Variants in CHD9 observed in about 807,000 individuals in gnomAD.
The protein encoded by CHD9 is chromodomain helicase DNA binding protein 9.
Under a neutral mutation model 316.1 loss-of-function variants are expected in CHD9, and 77 were observed. The ratio of observed to expected loss-of-function variants is 0.24; its 90% confidence interval spans 0.20 to 0.29. CHD9 has a LOEUF of 0.29. CHD9 is among the 10% of genes least tolerant of loss of function. CHD9 has a pLI of 1.00. For missense variants in CHD9, 2,763 were observed against 3,438.1 expected (o/e 0.80, Z 4.91); for synonymous variants, 1,129 against 1,158.3 (o/e 0.97, Z 0.51).
At chr16:53,075,882 A>G (rs978399964) in intron 1 of CHD9, among the ~76,000 whole-genome samples, 7 of 152,116 alleles carry the variant, frequency 4.6e-5, no homozygotes, top group Non-Finnish European at 7.4e-5. Context: ...TCCCACCAGC[A>G]GTGCACAAGG....
intron 34 of CHD9, chr16:53,311,006 G>A: frequency 6.6e-6 from 1 of 151,956 alleles, no homozygotes; most frequent in Non-Finnish European, 1.5e-5. Flanking sequence ...TGGCAACATA[G>A]CAAGACCCAT....
chr16:53,116,850 T>TA (rs974968319), intron 1 of CHD9, among the ~76,000 whole-genome samples: 1 of 152,102 alleles, frequency 6.6e-6, no homozygotes, highest in Admixed American at 6.6e-5. Flanking sequence ...ATAGACTGGA[T>TA]AAAAAAGTGT....
At chr16:53,267,176 AGTT>A (rs2051779969) in intron 20 of CHD9, 115 bp from the exon 21 acceptor site, 3 of 587,210 alleles carry the variant, frequency 5.1e-6, no homozygotes, top group Non-Finnish European at 8.3e-6. Flanking sequence ...TGAAATTGTT[AGTT>A]GTTTCTTTTT....
At chr16:53,303,157 C>T (rs1235579523) in intron 30 of CHD9, among the ~76,000 whole-genome samples, 2 of 150,434 alleles carry the variant, frequency 1.3e-5, no homozygotes, top group Non-Finnish European at 3.0e-5. Context: ...ATCACAAATT[C>T]GTAAACTTTC....
rs534938805 is a variant in CHD9, at chr16:53,258,286, A to C, written c.4209+2507A>C. Among the ~76,000 whole-genome samples, 72 of 152,262 alleles carry C rather than the reference A, an allele frequency of 4.7e-4. 2 individuals are homozygous for C. In the South Asian group the frequency reaches 0.013, roughly 28 times the overall value. On this transcript the variant is annotated intron_variant, in intron 19 of 38. Transcript: ENST00000447540. Reference sequence around the variant, plus strand: ...ATCTAACTTTTATTTTCCTTAGAGAACTCAAGTATACTCTAATGCTCTGAG... The same window carrying C: ...ATCTAACTTTTATTTTCCTTAGAGACCTCAAGTATACTCTAATGCTCTGAG...
intron 11 of CHD9, 124 bp downstream of exon 11, chr16:53,235,430 G>C: frequency 1.5e-6 from 1 of 671,494 alleles, no homozygotes; most frequent in Non-Finnish European, 2.3e-6. Context: ...TTAAAGTGAG[G>C]TTACCTCAGG....
chr16:53,094,915 A>G (rs1267373374), intron 1 of CHD9, among the ~76,000 whole-genome samples: 1 of 152,220 alleles, frequency 6.6e-6, no homozygotes, highest in Non-Finnish European at 1.5e-5. Context: ...CTGGGATTAC[A>G]GGCGTGAGCC....
intron 30 of CHD9, among the ~76,000 whole-genome samples, chr16:53,303,281 C>T (rs2153079846): frequency 6.6e-6 from 1 of 151,792 alleles, no homozygotes; most frequent in African/African-American, 2.4e-5. Flanking sequence ...ACAATGCAGC[C>T]CAGGGAAGCC....
chr16:53,312,952 T>C (rs559986832), intron 34 of CHD9, among the ~76,000 whole-genome samples: 2 of 152,320 alleles, frequency 1.3e-5, no homozygotes, highest in South Asian at 4.1e-4. Flanking sequence ...CCTTTAATAA[T>C]ACATCCTTTT....
intron 1 of CHD9, among the ~76,000 whole-genome samples, chr16:53,091,905 C>T (rs2035974872): frequency 6.6e-6 from 1 of 152,124 alleles, no homozygotes; most frequent in Non-Finnish European, 1.5e-5. Context: ...AGAGCTTCCT[C>T]CTTTCCTTTT....
intron 27 of CHD9, among the ~76,000 whole-genome samples, chr16:53,288,362 ATACC>A (rs531104226): frequency 7.2e-4 from 109 of 152,358 alleles, no homozygotes; most frequent in African/African-American, 2.3e-3. Flanking sequence ...GTTAGAAACT[ATACC>A]TACATGAAGA....
At chr16:53,189,171 G>T in intron 2 of CHD9, among the ~76,000 whole-genome samples, 1 of 150,718 alleles carries the variant, frequency 6.6e-6, no homozygotes, top group East Asian at 1.9e-4. Context: ...TCTTCTAATT[G>T]CCCTGACTAG....
chr16:53,188,672 G>A (rs1401310294), intron 2 of CHD9, among the ~76,000 whole-genome samples: 1 of 121,764 alleles, frequency 8.2e-6, no homozygotes, highest in Non-Finnish European at 1.6e-5. Context: ...TCGGCTCACT[G>A]CAACCTCCAC....
intron 33 of CHD9, 58 bp from the exon 34 acceptor site, chr16:53,308,628 T>G: frequency 7.6e-7 from 1 of 1,319,916 alleles, no homozygotes; most frequent in South Asian, 1.3e-5. Context: ...TCTCTTAATA[T>G]CCTGCAATAA....
intron 16 of CHD9, among the ~76,000 whole-genome samples, chr16:53,248,411 A>G (rs536620382): frequency 6.6e-6 from 1 of 151,930 alleles, no homozygotes; most frequent in African/African-American, 2.4e-5. Context: ...TTATCAGACC[A>G]TTAGGATTCC....
intron 1 of CHD9, among the ~76,000 whole-genome samples, chr16:53,107,509 A>AAAATT (rs2037464173): frequency 6.7e-6 from 1 of 149,454 alleles, no homozygotes; most frequent in Non-Finnish European, 1.5e-5. Context: ...AAAATAAAAT[A>AAAATT]AAATATAAAA....
intron 4 of CHD9, among the ~76,000 whole-genome samples, chr16:53,224,733 A>G (rs1449097458): frequency 1.3e-5 from 2 of 152,240 alleles, no homozygotes; most frequent in East Asian, 1.9e-4. Flanking sequence ...CATTGATAAT[A>G]TATCACAGTT....
chr16:53,196,926 C>T (rs1269137673), intron 2 of CHD9, among the ~76,000 whole-genome samples: 2 of 152,132 alleles, frequency 1.3e-5, no homozygotes, highest in African/African-American at 2.4e-5. Flanking sequence ...TAACATACTT[C>T]TTCAGAAGAA....
At chr16:53,082,587 A>G (rs1282858853) in intron 1 of CHD9, among the ~76,000 whole-genome samples, 1 of 152,182 alleles carries the variant, frequency 6.6e-6, no homozygotes, top group Admixed American at 6.5e-5. Flanking sequence ...AGAACAAAGA[A>G]TTTTAAGGTT....
Sources: allele counts gnomAD v4.1 joint callset (sites outside exome capture counted in the v4.1 genomes callset), GRCh38; gene constraint gnomAD v4.1.1; transcripts MANE v1.5; gene names NCBI Gene and HGNC (gene_info 2026-07-23, HGNC 2026-07-21).